The following NKAIN2 variants were observed in gnomAD, a reference collection of about 807,000 sequenced individuals.
The protein encoded by NKAIN2 is sodium/potassium-transporting ATPase subunit beta-1-interacting protein 2.
In NKAIN2, 14 loss-of-function variants were observed where a neutral mutation model predicts 32.6. The observed-to-expected ratio is 0.43, with a 90% CI of 0.28 to 0.67. NKAIN2 has a LOEUF of 0.67. NKAIN2 is among the 30% of genes least tolerant of loss of function. The pLI, the probability that NKAIN2 is intolerant of heterozygous loss-of-function variation, is 0.17. For synonymous variants in NKAIN2, 80 were observed against 87.2 expected, an observed-to-expected ratio of 0.92 and a Z score of 0.46; for missense variants, 198 against 258.3, an observed-to-expected ratio of 0.77 and a Z score of 1.60.
At chr6:124,644,659 C>A (rs542771648) in intron 3 of NKAIN2, among the ~76,000 whole-genome samples, 52 of 152,134 alleles carry the variant, frequency 3.4e-4, no homozygotes, top group Non-Finnish European at 4.9e-4. Flanking sequence ...CTGCCTCGGC[C>A]CCCCCAAAGT....
At chr6:123,911,920 T>C (rs1216530769) in intron 1 of NKAIN2, among the ~76,000 whole-genome samples, 1 of 150,174 alleles carries the variant, frequency 6.7e-6, no homozygotes, top group Admixed American at 6.7e-5. Context: ...CAACCAATTT[T>C]ACAGGTATTT....
intron 4 of NKAIN2, among the ~76,000 whole-genome samples, chr6:124,663,639 T>C (rs1238235344): frequency 6.6e-6 from 1 of 152,154 alleles, no homozygotes; most frequent in African/African-American, 2.4e-5. Flanking sequence ...TAGGTGACTA[T>C]AGGAGAAAGA....
chr6:123,899,029 G>A (rs1774429342), intron 1 of NKAIN2, among the ~76,000 whole-genome samples: 1 of 152,184 alleles, frequency 6.6e-6, no homozygotes, highest in Admixed American at 6.5e-5. Context: ...CACAGAGGTG[G>A]GTCAAATCAC....
chr6:124,338,307 A>G (rs1797965999), intron 2 of NKAIN2, among the ~76,000 whole-genome samples: 1 of 152,240 alleles, frequency 6.6e-6, no homozygotes, highest in African/African-American at 2.4e-5. Context: ...AATGACAGAT[A>G]TTAAACAATT....
intron 4 of NKAIN2, among the ~76,000 whole-genome samples, chr6:124,679,751 A>AT (rs1344369343): frequency 5.9e-5 from 9 of 152,160 alleles, no homozygotes; most frequent in South Asian, 2.1e-4. Context: ...AAAAGTCTCT[A>AT]TTTTTTTCAC....
intron 3 of NKAIN2, among the ~76,000 whole-genome samples, chr6:124,418,525 T>C (rs1022477749): frequency 6.8e-6 from 1 of 147,758 alleles, no homozygotes; most frequent in African/African-American, 2.5e-5. Flanking sequence ...ATATATATAC[T>C]TTATAAACAA....
intron 1 of NKAIN2, among the ~76,000 whole-genome samples, chr6:124,043,553 C>A (rs1198157690): frequency 6.6e-6 from 1 of 151,940 alleles, no homozygotes; most frequent in East Asian, 1.9e-4. Flanking sequence ...ACAAGGTGTC[C>A]TATAGCATTT....
chr6:124,721,187 C>T (rs1012788175), intron 4 of NKAIN2, among the ~76,000 whole-genome samples: 2 of 151,928 alleles, frequency 1.3e-5, no homozygotes, highest in African/African-American at 2.4e-5. Context: ...GAGGCCGAGG[C>T]GGGAGGATCA....
In NKAIN2 at chr6:123,804,611, CAG is replaced by C. The variant is rs774534261; in HGVS notation, c.54+360_54+361del. 2.8e-4 allele frequency among the ~76,000 whole-genome samples: 43 copies of C among 152,184 alleles called. 1 individual carries two copies. The highest frequency in any genetic ancestry group is 4.0e-4 in the Non-Finnish European group (27 of 68,036). On this transcript the variant is annotated intron_variant, in intron 1 of 6. Transcript: ENST00000368417. ...ACAATTTACCGTACAGGTTGTTAAA[CAG>C]AGGAATACGGAATTTTGGACTTTTC...
At chr6:124,257,575 A>C (rs1475848961) in intron 1 of NKAIN2, among the ~76,000 whole-genome samples, 1 of 152,170 alleles carries the variant, frequency 6.6e-6, no homozygotes, top group East Asian at 1.9e-4. Context: ...TTTGAAATAC[A>C]ACATAACCTA....
intron 4 of NKAIN2, among the ~76,000 whole-genome samples, chr6:124,664,821 AAAAAAAAAAAT>A (rs1426223984): frequency 2.0e-5 from 3 of 148,962 alleles, no homozygotes; most frequent in African/African-American, 7.4e-5. Flanking sequence ...AAAAAAAAAA[AAAAAAAAAAAT>A]TTCAAGTTAA....
chr6:124,139,279 G>A (rs909853769), intron 1 of NKAIN2, among the ~76,000 whole-genome samples: 10 of 149,264 alleles, frequency 6.7e-5, no homozygotes, highest in Non-Finnish European at 1.2e-4. Flanking sequence ...TAGTAGAGAC[G>A]GGGTTTCACC....
At chr6:124,279,351 CAA>C (rs1158009054) in intron 1 of NKAIN2, among the ~76,000 whole-genome samples, 1 of 151,588 alleles carries the variant, frequency 6.6e-6, no homozygotes, top group Non-Finnish European at 1.5e-5. Context: ...ACTAAAAAGA[CAA>C]AAAATTAGCC....
intron 3 of NKAIN2, among the ~76,000 whole-genome samples, chr6:124,609,859 A>C (rs1047155305): frequency 6.6e-6 from 1 of 152,062 alleles, no homozygotes; most frequent in Non-Finnish European, 1.5e-5. Flanking sequence ...CTCTATTGTC[A>C]TCTCTTTTCT....
intron 1 of NKAIN2, among the ~76,000 whole-genome samples, chr6:124,162,658 G>T (rs1451879903): frequency 6.6e-6 from 1 of 151,980 alleles, no homozygotes; most frequent in Non-Finnish European, 1.5e-5. Context: ...AACTCAAACT[G>T]CCATAAGACA....
At chr6:124,119,909 A>T (rs563732474) in intron 1 of NKAIN2, among the ~76,000 whole-genome samples, 2 of 152,048 alleles carry the variant, frequency 1.3e-5, no homozygotes, top group African/African-American at 4.8e-5. Context: ...CCATGTATAT[A>T]TCTTTTCTTT....
chr6:124,244,022 C>A (rs1793253696), intron 1 of NKAIN2, among the ~76,000 whole-genome samples: 1 of 151,834 alleles, frequency 6.6e-6, no homozygotes, highest in Admixed American at 6.6e-5. Context: ...TGAGAAAAAT[C>A]AACTACCTAG....
intron 2 of NKAIN2, among the ~76,000 whole-genome samples, chr6:124,293,171 T>G (rs958727419): frequency 3.3e-5 from 5 of 152,148 alleles, no homozygotes; most frequent in African/African-American, 4.8e-5. Flanking sequence ...TAAGAATAGC[T>G]AATAATATTT....
At chr6:124,044,033 A>G (rs758528930) in intron 1 of NKAIN2, among the ~76,000 whole-genome samples, 2 of 152,036 alleles carry the variant, frequency 1.3e-5, no homozygotes, top group Non-Finnish European at 2.9e-5. Flanking sequence ...TGAGCAGGGT[A>G]TGATGGAAAG....
Sources: gnomAD v4.1 joint callset for allele counts (sites outside exome capture counted in the v4.1 genomes callset) on GRCh38, gnomAD v4.1.1 for gene constraint, MANE v1.5 for transcripts, NCBI Gene and HGNC (gene_info 2026-07-23, HGNC 2026-07-21) for gene names.